The following MOSPD2 variants were observed in gnomAD, a reference collection of about 807,000 sequenced individuals.
The protein encoded by MOSPD2 is motile sperm domain-containing protein 2.
A neutral mutation model predicts 41.7 loss-of-function variants in MOSPD2; 5 were observed. That is an observed-to-expected ratio of 0.12 (90% confidence interval 0.06 to 0.25). The LOEUF is 0.25. Among genes scored for constraint, MOSPD2 ranks in the 10% least tolerant of loss-of-function variants. The pLI is 1.00. For synonymous variants in MOSPD2, 115 were observed against 126.9 expected, an observed-to-expected ratio of 0.91 and a Z score of 0.63; for missense variants, 282 against 375.2, an observed-to-expected ratio of 0.75 and a Z score of 2.05.
chrX:14,888,762 G>GGTGTGT (rs746762577), intron 2 of MOSPD2, among the ~76,000 whole-genome samples: 253 of 105,991 alleles, frequency 2.4e-3, no homozygotes, highest in Middle Eastern at 0.015. Flanking sequence ...ATGTCCTAGG[G>GGTGTGT]GTGTGTGTGT....
At chrX:14,884,467 T>C (rs752163983) in intron 2 of MOSPD2, among the ~76,000 whole-genome samples, 13 of 111,351 alleles carry the variant, frequency 1.2e-4, no homozygotes, top group Non-Finnish European at 3.8e-5. Context: ...AATGTTTGAC[T>C]TCCACACCAG....
In MOSPD2 at chrX:14,908,884, G is replaced by T; in HGVS notation, c.602G>T (p.Trp201Leu). The T allele has an allele frequency of 8.4e-7, 1 of 1,190,328 alleles. No individual in the cohort carries two copies. The highest frequency in any genetic ancestry group is 1.8e-5 in the South Asian group (1 of 54,198). The change falls in exon 8 of 15, where the codon TGG (tryptophan) becomes TTG (leucine). Residue 201 changes from tryptophan to leucine, a missense_variant. Coordinates refer to ENST00000380492, the MANE Select transcript of MOSPD2 (RefSeq NM_152581.4). ...MNAAFKIVKT[W>L]LGPEAVSLLK... ...GCTGCTTTCAAAATTGTGAAAACCT[G>T]GCTTGGTCCAGAAGCAGTGAGCTTG...
At chrX:14,904,181 A>C (rs959418316) in intron 7 of MOSPD2, among the ~76,000 whole-genome samples, 2 of 111,871 alleles carry the variant, frequency 1.8e-5, no homozygotes, top group Non-Finnish European at 3.8e-5. Context: ...AATACCAAAC[A>C]TCACAGGAAA....
chrX:14,911,456 C>G, intron 9 of MOSPD2, 43 bp downstream of exon 9: 1 of 1,000,750 alleles, frequency 1.0e-6, no homozygotes, highest in Non-Finnish European at 1.4e-6. Flanking sequence ...AAGATGTGGT[C>G]TATCCCCAAT....
Position 14,920,493 on chromosome X carries a change from G to GTT in MOSPD2, c.*685_*686insTT, listed in dbSNP as rs1569108105. On this transcript the variant is annotated 3_prime_UTR_variant, in exon 15 of 15. Coordinates refer to ENST00000380492, the MANE Select transcript of MOSPD2 (RefSeq NM_152581.4). ...TTCAGTAGAATTTGGAAAACTAAGC[G>GTT]TGGTTGGAATTTCTTTGAATTCTGT... 2,729 of 750,070 alleles carry GTT rather than the reference G, an allele frequency of 3.6e-3. 84 individuals are homozygous for GTT. The African/African-American group carries it at 0.061, about 17-fold the overall frequency. 61.8% of individuals were successfully genotyped at this position (750,070 alleles called of 1,213,427 possible).
chrX:14,906,613 A>G (rs1387916408), intron 7 of MOSPD2, among the ~76,000 whole-genome samples: 3 of 112,284 alleles, frequency 2.7e-5, no homozygotes, highest in Non-Finnish European at 5.6e-5. Flanking sequence ...TGTGCCTTCA[A>G]GGACACTACC....
rs2092511002 is a variant in MOSPD2 at position 14,873,432 on chromosome X, T to A, written c.-97T>A. On this transcript the variant is annotated 5_prime_UTR_variant, in exon 1 of 15. Coordinates refer to ENST00000380492, the MANE Select transcript of MOSPD2 (RefSeq NM_152581.4). The stretch of plus-strand genomic sequence containing the variant: ...CGCCTCCCCCTCCCACCCTTCTCTG[T>A]CTACCTCTGGGCGGGACTGCCGGGT... The A allele has an allele frequency of 8.6e-7, 1 of 1,157,036 alleles. No homozygotes were observed. The highest frequency in any genetic ancestry group is 1.8e-5 in the African/African-American group (1 of 56,918).
intron 2 of MOSPD2, among the ~76,000 whole-genome samples, chrX:14,890,049 A>AATAGTTTC (rs200644330): frequency 0.02 from 2,210 of 111,979 alleles, 18 homozygotes; most frequent in Non-Finnish European, 0.033. Flanking sequence ...CTATTTTCAT[A>AATAGTTTC]ATAATGCTAA....
Position 14,919,652 on chromosome X carries a change from A to G in MOSPD2, c.1420-20A>G. Reference sequence around the variant, plus strand: ...GCTGTTTTATTGATATAAATCTTTCATCCCCTCTTCCCTCTTCAGCTCAGT... The same window carrying G: ...GCTGTTTTATTGATATAAATCTTTCGTCCCCTCTTCCCTCTTCAGCTCAGT... On this transcript the variant is annotated intron_variant, in intron 14 of 14. Coordinates refer to ENST00000380492, the MANE Select transcript of MOSPD2 (RefSeq NM_152581.4). 1 of 1,122,928 alleles carries G rather than the reference A, an allele frequency of 8.9e-7. No homozygotes were observed. Among genetic ancestry groups the G allele is most frequent in the South Asian group, 1.9e-5 (1 of 51,337 alleles). The allele number at this position is 1,122,928 out of a possible 1,213,427, so 92.5% of individuals were successfully genotyped here. A position where few individuals can be genotyped will look rare whatever the true frequency, so the allele number is the denominator to read the frequency against.
At chrX:14,892,155 G>A (rs1410758837) in intron 2 of MOSPD2, among the ~76,000 whole-genome samples, 3 of 111,426 alleles carry the variant, frequency 2.7e-5, no homozygotes, top group Non-Finnish European at 5.6e-5. Flanking sequence ...GTCCATTTGT[G>A]TTGCTATAAA....
chrX:14,888,873 C>A (rs969291721), intron 2 of MOSPD2, among the ~76,000 whole-genome samples: 1 of 110,895 alleles, frequency 9.0e-6, no homozygotes, highest in Non-Finnish European at 1.9e-5. Flanking sequence ...TGTCTTAGTC[C>A]GTTCTGTGAT....
rs185969870 is a variant in MOSPD2 at position 14,884,190 on chromosome X, G to C, written c.80-8533G>C. 1.6e-4 allele frequency among the ~76,000 whole-genome samples: 18 copies of C among 111,177 alleles called. No homozygotes were observed. The East Asian group carries it at 5.0e-3, about 31-fold the overall frequency. Reference sequence around the variant, plus strand: ...ATTGCTGGAAAAAAAAAAACTACTTGTCTACTTCACTAATAAGTAAATAGT... The same window carrying C: ...ATTGCTGGAAAAAAAAAAACTACTTCTCTACTTCACTAATAAGTAAATAGT... On this transcript the variant is annotated intron_variant, in intron 2 of 14. Coordinates refer to ENST00000380492, the MANE Select transcript of MOSPD2 (RefSeq NM_152581.4).
intron 2 of MOSPD2, among the ~76,000 whole-genome samples, chrX:14,889,107 G>A (rs993169404): frequency 6.3e-5 from 7 of 111,414 alleles, no homozygotes; most frequent in South Asian, 3.8e-4. Flanking sequence ...GCAAGTGGAA[G>A]GGCAAGAGGA....
At chrX:14,914,742 C>T (rs900879187) in intron 11 of MOSPD2, 143 bp downstream of exon 11, 1 of 397,071 alleles carries the variant, frequency 2.5e-6, no homozygotes, top group African/African-American at 2.6e-5. Flanking sequence ...GTTGTACTAC[C>T]TTCTGGTTCT....
chrX:14,901,050 A>G (rs900713398), intron 6 of MOSPD2, among the ~76,000 whole-genome samples: 21 of 112,047 alleles, frequency 1.9e-4, no homozygotes, highest in Non-Finnish European at 3.0e-4. Flanking sequence ...ACACTGTATA[A>G]TAAGCAATAT....
intron 7 of MOSPD2, among the ~76,000 whole-genome samples, chrX:14,905,335 G>A (rs941876761): frequency 9.0e-6 from 1 of 111,268 alleles, no homozygotes; most frequent in Non-Finnish European, 1.9e-5. Flanking sequence ...TCATGGATTG[G>A]AAGACTTAAT....
At chrX:14,904,986 G>C (rs1183888172) in intron 7 of MOSPD2, among the ~76,000 whole-genome samples, 1 of 111,501 alleles carries the variant, frequency 9.0e-6, no homozygotes, top group African/African-American at 3.3e-5. Flanking sequence ...AAGGCCCCCA[G>C]ACAAACAAAG....
intron 4 of MOSPD2, among the ~76,000 whole-genome samples, chrX:14,896,721 A>G (rs1168791795): frequency 1.8e-5 from 2 of 112,768 alleles, no homozygotes; most frequent in African/African-American, 6.4e-5. Flanking sequence ...CTGTGTCAGT[A>G]TCTTTCCTCT....
intron 2 of MOSPD2, among the ~76,000 whole-genome samples, chrX:14,880,980 A>G (rs919484169): frequency 9.0e-6 from 1 of 111,539 alleles, no homozygotes; most frequent in African/African-American, 3.3e-5. Flanking sequence ...TATTCCCTAT[A>G]AGATATATTG....
Sources: gnomAD v4.1 joint callset for allele counts (sites outside exome capture counted in the v4.1 genomes callset) on GRCh38, gnomAD v4.1.1 for gene constraint, MANE v1.5 for transcripts, NCBI Gene and HGNC (gene_info 2026-07-23, HGNC 2026-07-21) for gene names.